Variants in OGDH observed in about 807,000 individuals in gnomAD.
OGDH encodes 2-oxoglutarate dehydrogenase complex component E1.
A neutral mutation model predicts 116.6 loss-of-function variants in OGDH; 38 were observed. The observed-to-expected ratio is 0.33, with a 90% CI of 0.25 to 0.43. The LOEUF is 0.43. Among genes scored for constraint, OGDH ranks in the 20% least tolerant of loss-of-function variants. The probability of loss-of-function intolerance (pLI) is 1.00; values close to 1 mark genes in which losing one functional copy is unlikely to be tolerated. For missense variants in OGDH, 825 were observed against 1,357.2 expected, an observed-to-expected ratio of 0.61 and a Z score of 6.16; for synonymous variants, 488 against 533.3, an observed-to-expected ratio of 0.92 and a Z score of 1.17.
At chr7:44,676,468 T>G (rs1345350278) in intron 9 of OGDH, 1 of 400,370 alleles carries the variant, frequency 2.5e-6, no homozygotes, top group Non-Finnish European at 4.5e-6. Context: ...GGCAGGAGAA[T>G]CGCTTGAACC....
intron 1 of OGDH, among the ~76,000 whole-genome samples, chr7:44,620,311 G>A (rs1032859232): frequency 5.3e-5 from 8 of 152,182 alleles, no homozygotes; most frequent in Non-Finnish European, 1.0e-4. Context: ...GTGAGCTACC[G>A]CTCCTGGCCA....
At chr7:44,701,678 G>C in intron 20 of OGDH, 63 bp downstream of exon 20, 1 of 1,442,150 alleles carries the variant, frequency 6.9e-7, no homozygotes, top group Non-Finnish European at 9.8e-7. Flanking sequence ...CTTTGCTGCT[G>C]CTCTTTTACA....
intron 2 of OGDH, among the ~76,000 whole-genome samples, chr7:44,626,425 T>G (rs529068394): frequency 6.6e-6 from 1 of 152,130 alleles, no homozygotes; most frequent in African/African-American, 2.4e-5. Flanking sequence ...CAAGGACTAT[T>G]ATGTGCCCAG....
intron 4 of OGDH, among the ~76,000 whole-genome samples, chr7:44,664,902 A>G (rs1487753770): frequency 9.9e-5 from 15 of 152,218 alleles, no homozygotes; most frequent in Admixed American, 8.5e-4. Context: ...GGTGAGGTCA[A>G]GGGATATCTG....
At chr7:44,669,644 T>C (rs1787345556) in intron 5 of OGDH, among the ~76,000 whole-genome samples, 1 of 152,046 alleles carries the variant, frequency 6.6e-6, no homozygotes, top group Non-Finnish European at 1.5e-5. Flanking sequence ...TTTCATCATA[T>C]GAAGGGGGTG....
intron 1 of OGDH, among the ~76,000 whole-genome samples, chr7:44,607,283 C>T (rs1191820595): frequency 2.0e-5 from 3 of 152,242 alleles, no homozygotes; most frequent in African/African-American, 7.2e-5. Context: ...AAGCTTATTT[C>T]TCGTAGAAAC....
At position 44,697,029 on chromosome 7, in the gene OGDH, G is replaced by T. The variant is rs1023177945; in HGVS notation, c.2016G>T (p.Arg672=). The change falls in exon 15 of 23, where the codon CGG becomes CGT. Residue 672 remains arginine (R), a synonymous_variant. Transcript: ENST00000222673. This position sits in a 1 kb window ranked among gnomAD's most constrained non-coding sequence, Gnocchi z 6.0. ...TCCTGAAGGAGGGCATCCACATTCG[G>T]CTGAGCGGCCAGGACGTGGAGCGGG... The part of the protein sequence containing the change: ...GSLLKEGIHI[R]LSGQDVERGT... 2 of 1,614,090 alleles carry T rather than the reference G, an allele frequency of 1.2e-6. No homozygotes were observed. Among genetic ancestry groups the T allele is most frequent in the African/African-American group, 1.3e-5 (1 of 74,948 alleles).
At chr7:44,662,986 A>G (rs1256416427) in intron 4 of OGDH, among the ~76,000 whole-genome samples, 3 of 152,108 alleles carry the variant, frequency 2.0e-5, no homozygotes, top group African/African-American at 7.2e-5. Flanking sequence ...CTTTTACCAT[A>G]TTTGGGAAGT....
Position 44,697,990 on chromosome 7 carries a change from T to C in OGDH, c.2359-202T>C, listed in dbSNP as rs1585390615. ...GGCTAGCATGCCCCGTCCCTGCTGGTGCAGACTCCCTAGATGCACAGGCGT... is the reference window on the plus strand; with the variant it reads ...GGCTAGCATGCCCCGTCCCTGCTGGCGCAGACTCCCTAGATGCACAGGCGT... On this transcript the variant is annotated intron_variant, in intron 17 of 22. Transcript: ENST00000222673. This position sits in a 1 kb window ranked among gnomAD's most constrained non-coding sequence, Gnocchi z 6.0. 6.6e-6 allele frequency among the ~76,000 whole-genome samples: 1 copy of C among 152,190 alleles called. No homozygotes were observed. Among genetic ancestry groups the C allele is most frequent in the East Asian group, 1.9e-4 (1 of 5,192 alleles).
Position 44,696,458 on chromosome 7 carries a change from A to G in OGDH, c.1801A>G (p.Ser601Gly). 6.2e-7 allele frequency: 1 copy of G among 1,614,152 alleles called. No homozygotes were observed. The highest frequency in any genetic ancestry group is 8.5e-7 in the Non-Finnish European group (1 of 1,180,002). The part of the protein sequence containing the change: ...GFFTLDGQPR[S>G]MSCPSTGLTE... ...CTTCACCCTGGACGGGCAGCCCAGG[A>G]GCATGTCCTGCCCCTCCACGGGTCT... Residue 601 changes from serine (S) to glycine (G), a missense_variant, in exon 14 of 23, where the codon AGC (serine) becomes GGC (glycine). Coordinates refer to ENST00000222673, the MANE Select transcript of OGDH (RefSeq NM_002541.4).
At chr7:44,670,826 C>G (rs1162565383) in intron 5 of OGDH, among the ~76,000 whole-genome samples, 1 of 151,706 alleles carries the variant, frequency 6.6e-6, no homozygotes, top group Non-Finnish European at 1.5e-5. Context: ...CTAGCTAACA[C>G]AGTGAAACCC....
chr7:44,612,452 C>T (rs1455987270), intron 1 of OGDH, among the ~76,000 whole-genome samples: 7 of 150,898 alleles, frequency 4.6e-5, no homozygotes, highest in African/African-American at 1.5e-4. Flanking sequence ...GGCATGATCT[C>T]GGCTCACTGC....
Position 44,707,658 on chromosome 7 carries a change from A to G in OGDH, c.2873A>G (p.Glu958Gly), listed in dbSNP as rs1789144308. The G allele has an allele frequency of 6.2e-7, 1 of 1,614,082 alleles. No individual in the cohort carries two copies. Among genetic ancestry groups the G allele is most frequent in the Admixed American group, 1.7e-5 (1 of 60,002 alleles). ...YPNAELAWCQ[E>G]EHKNQGYYDY... is the part of the protein sequence containing the mutation. ...AATGCTGAGCTGGCCTGGTGCCAGG[A>G]GGAGCACAAGAACCAAGGCTACTAT... Residue 958 changes from glutamate (E) to glycine (G), a missense_variant, in exon 22 of 23, where the codon GAG becomes GGG. This residue lies in a region of OGDH where 212 missense variants were observed against 284.3 expected (regional missense o/e 0.75). Coordinates refer to ENST00000222673, the MANE Select transcript of OGDH (RefSeq NM_002541.4). The surrounding 1 kb of genome is among the most constrained non-coding windows in gnomAD (Gnocchi z 5.2).
chr7:44,702,384 T>C (rs1397847542), intron 20 of OGDH, among the ~76,000 whole-genome samples: 2 of 152,096 alleles, frequency 1.3e-5, no homozygotes, highest in African/African-American at 2.4e-5. Context: ...GCTGCACTTG[T>C]GTGAAGGGAG....
At chr7:44,706,519 C>T (rs1391682931) in intron 20 of OGDH, among the ~76,000 whole-genome samples, 1 of 151,604 alleles carries the variant, frequency 6.6e-6, no homozygotes, top group African/African-American at 2.4e-5. Context: ...CAGGGTTTCA[C>T]CATGTTGGTC....
intron 10 of OGDH, among the ~76,000 whole-genome samples, chr7:44,689,392 CTTTTTTTTTTTTTTTT>C (rs561058807): frequency 1.4e-5 from 1 of 71,220 alleles, no homozygotes; most frequent in Non-Finnish European, 2.7e-5. Flanking sequence ...ATTTTTTTTT[CTTTTTTTTTTTTTTTT>C]TTTTTTTTTT....
At chr7:44,609,226 C>T (rs530110558) in intron 1 of OGDH, among the ~76,000 whole-genome samples, 6 of 151,756 alleles carry the variant, frequency 4.0e-5, no homozygotes, top group African/African-American at 9.7e-5. Context: ...CATTCCTTGG[C>T]CAGGCGCAGT....
chr7:44,688,592 A>G (rs916440513), intron 10 of OGDH, among the ~76,000 whole-genome samples: 9 of 150,984 alleles, frequency 6.0e-5, no homozygotes, highest in Admixed American at 4.0e-4. Flanking sequence ...CACCATGCCC[A>G]GCTAATTTTT....
At chr7:44,687,591 GT>G (rs951774260) in intron 10 of OGDH, among the ~76,000 whole-genome samples, 5 of 150,638 alleles carry the variant, frequency 3.3e-5, no homozygotes, top group African/African-American at 1.2e-4. Flanking sequence ...AATTTTTATG[GT>G]TTTTTTTGTA....
Sources: allele counts gnomAD v4.1 joint callset (sites outside exome capture counted in the v4.1 genomes callset), GRCh38; gene constraint gnomAD v4.1.1; regional missense constraint gnomAD v4.1.1; non-coding constraint Gnocchi (gnomAD v3.1); transcripts MANE v1.5; gene names NCBI Gene and HGNC (gene_info 2026-07-23, HGNC 2026-07-21).